The following SART3 variants were observed in gnomAD, a reference collection of about 807,000 sequenced individuals.
SART3 encodes HIV-1 Tat-interacting protein of 110kDa.
A neutral mutation model predicts 122.3 loss-of-function variants in SART3; 44 were observed. The ratio of observed to expected loss-of-function variants is 0.36; its 90% CI spans 0.28 to 0.46. SART3 has a LOEUF of 0.46. SART3 is among the 20% of genes least tolerant of loss of function. SART3 has a pLI of 1.00. For missense variants in SART3, 1,101 were observed against 1,229.0 expected, an observed-to-expected ratio of 0.90 and a Z score of 1.56; for synonymous variants, 442 against 454.0, an observed-to-expected ratio of 0.97 and a Z score of 0.34.
intron 12 of SART3, among the ~76,000 whole-genome samples, chr12:108,532,895 A>C (rs1872746563): frequency 6.6e-6 from 1 of 152,118 alleles, no homozygotes; most frequent in Non-Finnish European, 1.5e-5. Context: ...CTGGGATTAC[A>C]GGTGCCCACC....
At chr12:108,554,270 A>C (rs912233800) in intron 1 of SART3, 2 of 151,668 alleles carry the variant, frequency 1.3e-5, no homozygotes, top group African/African-American at 4.9e-5. Context: ...CTTATCCTTG[A>C]CTTGGTTAGA....
intron 3 of SART3, among the ~76,000 whole-genome samples, chr12:108,545,952 A>C (rs1244621097): frequency 1.4e-5 from 2 of 138,152 alleles, no homozygotes; most frequent in Non-Finnish European, 3.2e-5. Context: ...TAAGCGAAAG[A>C]GTAAGACTCT....
chr12:108,554,858 C>G (rs1296705943), intron 1 of SART3, among the ~76,000 whole-genome samples: 1 of 151,876 alleles, frequency 6.6e-6, no homozygotes, highest in African/African-American at 2.4e-5. Context: ...CAGATGATAT[C>G]AATGTATAGT....
At chr12:108,536,235 C>A (rs1000496169) in intron 11 of SART3, among the ~76,000 whole-genome samples, 1 of 152,224 alleles carries the variant, frequency 6.6e-6, no homozygotes, top group Non-Finnish European at 1.5e-5. Flanking sequence ...AGCAAAGAGG[C>A]AGAGACAGAA....
intron 18 of SART3, 24 bp downstream of exon 18, chr12:108,524,292 C>G (rs1405271080): frequency 1.2e-6 from 2 of 1,604,236 alleles, no homozygotes; most frequent in Non-Finnish European, 1.7e-6. Flanking sequence ...GAAGTTTGCA[C>G]TAGTCTACCA....
At chr12:108,548,309 T>A (rs1873526407) in intron 2 of SART3, among the ~76,000 whole-genome samples, 1 of 152,254 alleles carries the variant, frequency 6.6e-6, no homozygotes, top group African/African-American at 2.4e-5. Context: ...TATCTAAGGA[T>A]GACAACATGC....
intron 1 of SART3, among the ~76,000 whole-genome samples, chr12:108,555,597 G>T (rs562097175): frequency 6.6e-6 from 1 of 152,276 alleles, no homozygotes; most frequent in African/African-American, 2.4e-5. Context: ...CCCAGCAGGC[G>T]GAGGTTGCAG....
chr12:108,525,081 G>A (rs1203286048), intron 17 of SART3, among the ~76,000 whole-genome samples: 1 of 152,216 alleles, frequency 6.6e-6, no homozygotes, highest in Non-Finnish European at 1.5e-5. Context: ...GGGACTCAAG[G>A]GGCCTGGTTG....
chr12:108,549,322 G>T, intron 1 of SART3, 108 bp from the exon 2 acceptor site: 1 of 1,255,668 alleles, frequency 8.0e-7, no homozygotes, highest in Non-Finnish European at 1.1e-6. Flanking sequence ...AAATAAACGT[G>T]CTATCTGAGA....
chr12:108,534,679 C>A (rs1872829485), intron 12 of SART3, among the ~76,000 whole-genome samples: 1 of 151,920 alleles, frequency 6.6e-6, no homozygotes. Flanking sequence ...CCCACCTCCC[C>A]CGAAAAAAGA....
chr12:108,542,041 T>C lies in SART3; in HGVS notation c.906+987A>G, dbSNP rs1470903447. On this transcript the variant is annotated intron_variant, in intron 6 of 18. Coordinates refer to ENST00000546815, the MANE Select transcript of SART3 (RefSeq NM_014706.4). The stretch of plus-strand genomic sequence containing the variant: ...TTTTTTTTTTTTGGTAGAGACAGGG[T>C]TGTGCTACGCTGCCAGGCTGATCTC... Among the ~76,000 whole-genome samples the C allele has an allele frequency of 6.4e-5, 7 of 108,704 alleles. No homozygotes were observed. In the East Asian group the frequency reaches 2.1e-3, roughly 32 times the overall value. The allele number at this position is 108,704 out of a possible 152,430, so 71.3% of individuals were successfully genotyped here.
intron 6 of SART3, 67 bp from the exon 7 acceptor site, chr12:108,539,156 A>G (rs909805403): frequency 1.3e-6 from 2 of 1,583,468 alleles, no homozygotes; most frequent in African/African-American, 2.7e-5. Flanking sequence ...TGCAAATAAA[A>G]TAAATTTTGG....
intron 1 of SART3, among the ~76,000 whole-genome samples, chr12:108,555,584 C>G (rs1210717824): frequency 6.6e-6 from 1 of 152,170 alleles, no homozygotes; most frequent in Non-Finnish European, 1.5e-5. Context: ...AGGATCGCTT[C>G]AGCCCAGCAG....
chr12:108,526,670 C>A, intron 15 of SART3, 117 bp from the exon 16 acceptor site: 1 of 1,118,574 alleles, frequency 8.9e-7, no homozygotes, highest in South Asian at 1.3e-5. Context: ...TACTCCCTCA[C>A]CAGACTCGGA....
chr12:108,549,533 A>C (rs1269700755), intron 1 of SART3, among the ~76,000 whole-genome samples: 1 of 152,212 alleles, frequency 6.6e-6, no homozygotes, highest in African/African-American at 2.4e-5. Flanking sequence ...TTACTTTCCT[A>C]AGCTCTATTT....
intron 18 of SART3, 116 bp downstream of exon 18, chr12:108,524,200 T>C (rs1872259807): frequency 3.3e-6 from 3 of 908,636 alleles, no homozygotes; most frequent in Non-Finnish European, 5.4e-6. Flanking sequence ...GAACAGCACA[T>C]CTTGGCTTTT....
rs17846313 is a variant in SART3 at position 108,561,046 on chromosome 12, T to C, written c.109A>G (p.Lys37Glu). 2 of 1,614,150 alleles carry C rather than the reference T, an allele frequency of 1.2e-6. No individual in the cohort carries two copies. The highest frequency in any genetic ancestry group is 1.3e-5 in the African/African-American group (1 of 75,020). Residue 37 changes from lysine to glutamate, a missense_variant, in exon 1 of 19, where the codon AAG (lysine) becomes GAG (glutamate). By Grantham distance (56) the Lys-to-Glu change is moderately conservative. This residue lies in a region of SART3 where 216 missense variants were observed against 148.9 expected (regional missense o/e 1.45). Transcript: ENST00000546815. ...DEVKAARTRR[K>E]VLSRAVAAAT... ...GCGGCCACAGCCCGCGATAACACCT[T>C]CCTCCTTGTCCTAGCCGCCTTAACC...
chr12:108,526,641 G>A, intron 15 of SART3, 88 bp from the exon 16 acceptor site: 1 of 1,385,884 alleles, frequency 7.2e-7, no homozygotes. Context: ...AAAGTGCTGT[G>A]ACAGCTGCAT....
At chr12:108,532,138 C>T in intron 13 of SART3, 84 bp downstream of exon 13, 3 of 1,164,834 alleles carry the variant, frequency 2.6e-6, no homozygotes, top group Non-Finnish European at 3.8e-6. Flanking sequence ...ACAGTCTGTC[C>T]CCAGACTGTA....
Sources: gnomAD v4.1 joint callset for allele counts (sites outside exome capture counted in the v4.1 genomes callset) on GRCh38, gnomAD v4.1.1 for gene constraint, gnomAD v4.1.1 regional missense constraint, MANE v1.5 for transcripts, NCBI Gene and HGNC (gene_info 2026-07-23, HGNC 2026-07-21) for gene names.